The following APBB2 variants were observed in gnomAD, a reference collection of about 807,000 sequenced individuals.
The protein encoded by APBB2 is Fe65-like 1.
In APBB2, 38 loss-of-function variants were observed where a neutral mutation model predicts 82.5. The observed-to-expected ratio is 0.46, with a 90% confidence interval of 0.36 to 0.60. The LOEUF (loss-of-function observed/expected upper bound fraction) is 0.60. Ranked by LOEUF, APBB2 falls within the 20% of genes least tolerant of loss-of-function variation. The probability of loss-of-function intolerance (pLI) is 0.00; values close to 1 mark genes in which losing one functional copy is unlikely to be tolerated. For synonymous variants in APBB2, 341 were observed against 368.2 expected (o/e 0.93, Z 0.85); for missense variants, 772 against 972.3 (o/e 0.79, Z 2.74).
chr4:41,177,516 T>C (rs921220691), intron 1 of APBB2: 32 of 152,164 alleles, frequency 2.1e-4, no homozygotes, highest in African/African-American at 6.3e-4. Context: ...AGGAATGAAA[T>C]ATATTGAAAC....
chr4:40,822,242 G>A lies in APBB2; in HGVS notation c.1933-192C>T, dbSNP rs1748249166. ...ACTGCATGGCTACCCTGTTCTGGAG[G>A]TCATTCTTGCTCTGAACTACACTGC... On this transcript the variant is annotated intron_variant, in intron 16 of 17. Coordinates refer to ENST00000508593, the MANE Select transcript of APBB2 (RefSeq NM_004307.2). 9.8e-6 allele frequency: 6 copies of A among 611,960 alleles called. No homozygotes were observed. In the South Asian group the frequency reaches 9.9e-5, roughly 10 times the overall value. 37.9% of individuals were successfully genotyped at this position (611,960 alleles called of 1,614,324 possible). A position where few individuals can be genotyped will look rare whatever the true frequency, so the allele number is the denominator to read the frequency against.
chr4:41,070,581 C>A (rs953509621), intron 3 of APBB2, among the ~76,000 whole-genome samples: 1 of 152,172 alleles, frequency 6.6e-6, no homozygotes, highest in Non-Finnish European at 1.5e-5. Context: ...GGACTACAGG[C>A]GTGAGCCACC....
At chr4:41,078,919 A>T (rs1486116001) in intron 3 of APBB2, among the ~76,000 whole-genome samples, 1 of 152,180 alleles carries the variant, frequency 6.6e-6, no homozygotes, top group Non-Finnish European at 1.5e-5. Context: ...CTAGACACTA[A>T]CATTCCCAGA....
At chr4:40,822,177 C>A (rs879787831) in intron 16 of APBB2, 127 bp from the exon 17 acceptor site, 13 of 1,126,624 alleles carry the variant, frequency 1.2e-5, no homozygotes, top group Non-Finnish European at 1.7e-5. Flanking sequence ...GTGTTTTTCT[C>A]GAAAGGCGGA....
chr4:41,049,965 GGGACACAAACACTGCGGAA>G (rs1447308437), intron 4 of APBB2, among the ~76,000 whole-genome samples: 1 of 152,012 alleles, frequency 6.6e-6, no homozygotes, highest in Non-Finnish European at 1.5e-5. Context: ...CAAGTACCCA[GGGACACAAACACTGCGGAA>G]GGCCACAGGG....
At chr4:40,829,239 TG>T (rs935319903) in intron 13 of APBB2, among the ~76,000 whole-genome samples, 5 of 152,234 alleles carry the variant, frequency 3.3e-5, no homozygotes, top group Admixed American at 3.3e-4. Flanking sequence ...GAGCAGCCCC[TG>T]GCCCTGGTCT....
intron 4 of APBB2, among the ~76,000 whole-genome samples, chr4:41,065,054 G>T (rs1321721330): frequency 1.3e-5 from 2 of 152,154 alleles, no homozygotes; most frequent in Non-Finnish European, 2.9e-5. Flanking sequence ...GAGAGGCTGA[G>T]GTGGGTGGGA....
intron 10 of APBB2, among the ~76,000 whole-genome samples, chr4:40,908,070 T>C (rs1777543460): frequency 6.6e-6 from 1 of 150,970 alleles, no homozygotes; most frequent in Admixed American, 6.6e-5. Context: ...GTGTGTGGCA[T>C]ATGTGTGTGT....
chr4:41,025,857 G>C (rs1444444934), intron 5 of APBB2, among the ~76,000 whole-genome samples: 1 of 150,212 alleles, frequency 6.7e-6, no homozygotes, highest in East Asian at 2.0e-4. Context: ...GATGGTGGGG[G>C]GTAGGGGTTG....
intron 2 of APBB2, among the ~76,000 whole-genome samples, chr4:41,115,410 G>A (rs1030498806): frequency 2.0e-5 from 3 of 152,090 alleles, no homozygotes; most frequent in Non-Finnish European, 4.4e-5. Context: ...ACATAGGCAT[G>A]GGCAAAGACT....
chr4:41,173,930 A>T (rs1299446002), intron 1 of APBB2, among the ~76,000 whole-genome samples: 1 of 151,654 alleles, frequency 6.6e-6, no homozygotes, highest in Non-Finnish European at 1.5e-5. Flanking sequence ...TGCAAACCCC[A>T]GTGTTAAAGA....
intron 2 of APBB2, among the ~76,000 whole-genome samples, chr4:41,134,347 A>AG (rs1756953008): frequency 6.6e-6 from 1 of 152,094 alleles, no homozygotes; most frequent in South Asian, 2.1e-4. Context: ...TGGGAGGCCA[A>AG]GGCGGGCTGA....
Position 40,914,784 on chromosome 4 carries a change from C to T in APBB2, c.1254+19672G>A, listed in dbSNP as rs113305533. On this transcript the variant is annotated intron_variant, in intron 10 of 17. Coordinates refer to ENST00000508593, the MANE Select transcript of APBB2 (RefSeq NM_004307.2). ...CGCAAATGATGAGAATCAGCAGTAT[C>T]TGTCCTTCTTCACAGAGCAAGAATG... Among the ~76,000 whole-genome samples the T allele has an allele frequency of 9.7e-3, 1,472 of 151,562 alleles. 27 individuals carry two copies. Among genetic ancestry groups the T allele is most frequent in the African/African-American group, 0.034 (1,396 of 40,866 alleles).
chr4:40,984,847 A>T (rs1020858525), intron 6 of APBB2, among the ~76,000 whole-genome samples: 4 of 152,112 alleles, frequency 2.6e-5, no homozygotes, highest in African/African-American at 9.7e-5. Flanking sequence ...GGTACTAGAT[A>T]TTTTTTTAAA....
intron 12 of APBB2, among the ~76,000 whole-genome samples, chr4:40,843,961 C>A (rs922074313): frequency 5.3e-5 from 8 of 152,152 alleles, no homozygotes; most frequent in Non-Finnish European, 1.0e-4. Flanking sequence ...CTGCAGAGCC[C>A]CCTAATGGTT....
intron 2 of APBB2, among the ~76,000 whole-genome samples, chr4:41,104,592 A>G (rs1206240591): frequency 6.6e-6 from 1 of 152,118 alleles, no homozygotes; most frequent in Non-Finnish European, 1.5e-5. Flanking sequence ...GCAGGTAATG[A>G]GCATAATACC....
chr4:41,204,073 A>C (rs1777352191), intron 1 of APBB2, among the ~76,000 whole-genome samples: 1 of 152,224 alleles, frequency 6.6e-6, no homozygotes, highest in South Asian at 2.1e-4. Flanking sequence ...TACTTCCTGA[A>C]GGAGTACTGA....
At chr4:40,856,943 G>A in intron 12 of APBB2, 1 of 985,298 alleles carries the variant, frequency 1.0e-6, no homozygotes, top group Non-Finnish European at 1.2e-6. Context: ...CGCTGTCCCC[G>A]CGAGCGAGCT....
At chr4:40,913,253 A>G (rs749514152) in intron 10 of APBB2, among the ~76,000 whole-genome samples, 9 of 152,236 alleles carry the variant, frequency 5.9e-5, no homozygotes, top group Non-Finnish European at 1.3e-4. Context: ...GAAGTTACAC[A>G]GTTCAGTCTC....
Sources: allele counts gnomAD v4.1 joint callset (sites outside exome capture counted in the v4.1 genomes callset), GRCh38; gene constraint gnomAD v4.1.1; transcripts MANE v1.5; gene names NCBI Gene and HGNC (gene_info 2026-07-23, HGNC 2026-07-21).